Variants in IL1RAPL2 observed in about 807,000 individuals in gnomAD.
IL1RAPL2 encodes interleukin 1 receptor accessory protein like 2.
A neutral mutation model predicts 44.1 loss-of-function variants in IL1RAPL2; 3 were observed. That is an observed-to-expected ratio of 0.07 (90% CI 0.03 to 0.18). The LOEUF (loss-of-function observed/expected upper bound fraction) is 0.18. Among genes scored for constraint, IL1RAPL2 ranks in the 10% least tolerant of loss-of-function variants. The pLI, the probability that IL1RAPL2 is intolerant of heterozygous loss-of-function variation, is 1.00. For missense variants in IL1RAPL2, 391 were observed against 496.4 expected, an observed-to-expected ratio of 0.79 and a Z score of 2.02; for synonymous variants, 181 against 178.8, an observed-to-expected ratio of 1.01 and a Z score of -0.10.
chrX:105,707,411 G>A lies in IL1RAPL2; in HGVS notation c.773-9956G>A, dbSNP rs371565990. On this transcript the variant is annotated intron_variant, in intron 6 of 10. Transcript: ENST00000372582. ...AAAAATTAGTCGAATTGAACTAAGC[G>A]TTTGAGAATCAAACAAGTACTATTG... 8.9e-5 allele frequency among the ~76,000 whole-genome samples: 10 copies of A among 112,303 alleles called. No homozygotes were observed. In the East Asian group the frequency reaches 1.1e-3, roughly 13 times the overall value.
chrX:104,938,316 A>C (rs187033071), intron 2 of IL1RAPL2, among the ~76,000 whole-genome samples: 51 of 111,984 alleles, frequency 4.6e-4, no homozygotes, highest in African/African-American at 1.6e-3. Context: ...TTCTTGTCCA[A>C]TATCAATATG....
intron 2 of IL1RAPL2, among the ~76,000 whole-genome samples, chrX:105,173,466 G>A (rs1408857264): frequency 9.0e-6 from 1 of 111,681 alleles, no homozygotes; most frequent in Non-Finnish European, 1.9e-5. Context: ...GTGGGAGGAA[G>A]GTACACTGAA....
At chrX:105,440,862 G>T (rs1187050026) in intron 5 of IL1RAPL2, among the ~76,000 whole-genome samples, 1 of 111,304 alleles carries the variant, frequency 9.0e-6, no homozygotes. Context: ...TTGTGGTAGT[G>T]AATAAGTCTC....
At chrX:104,836,720 TTTTA>T (rs780758874) in intron 2 of IL1RAPL2, among the ~76,000 whole-genome samples, 27 of 111,556 alleles carry the variant, frequency 2.4e-4, no homozygotes, top group African/African-American at 4.6e-4. Context: ...ATTCTTTATT[TTTTA>T]TTTATTTATT....
intron 2 of IL1RAPL2, among the ~76,000 whole-genome samples, chrX:105,135,522 A>C (rs1387450839): frequency 8.9e-6 from 1 of 111,985 alleles, no homozygotes; most frequent in African/African-American, 3.2e-5. Context: ...ATTGCTAATG[A>C]AATATATTTG....
chrX:104,647,988 CT>C, intron 1 of IL1RAPL2: 1 of 812,655 alleles, frequency 1.2e-6, no homozygotes, highest in Non-Finnish European at 1.8e-6. Context: ...GACACAAACA[CT>C]TTGGCAGCCA....
At chrX:104,885,452 G>T (rs1923207388) in intron 2 of IL1RAPL2, among the ~76,000 whole-genome samples, 1 of 111,781 alleles carries the variant, frequency 8.9e-6, no homozygotes, top group Non-Finnish European at 1.9e-5. Context: ...AGTGGCTATG[G>T]GAGGCCTTAA....
chrX:105,267,979 T>C (rs756330491), intron 5 of IL1RAPL2, among the ~76,000 whole-genome samples: 1 of 111,973 alleles, frequency 8.9e-6, no homozygotes, highest in South Asian at 3.7e-4. Flanking sequence ...AAATTCTCCA[T>C]AAGTGAGTGA....
intron 2 of IL1RAPL2, among the ~76,000 whole-genome samples, chrX:104,830,111 G>A (rs190698413): frequency 1.9e-4 from 21 of 111,614 alleles, no homozygotes; most frequent in African/African-American, 5.5e-4. Context: ...TACATTTACA[G>A]GCTGTTAAAG....
intron 2 of IL1RAPL2, among the ~76,000 whole-genome samples, chrX:104,723,157 C>T (rs1931717325): frequency 9.0e-6 from 1 of 110,791 alleles, no homozygotes; most frequent in Non-Finnish European, 1.9e-5. Flanking sequence ...AATTGGTACC[C>T]ATGATCTATT....
chrX:105,515,282 T>G (rs2036504529), intron 6 of IL1RAPL2, among the ~76,000 whole-genome samples: 1 of 111,890 alleles, frequency 8.9e-6, no homozygotes, highest in Admixed American at 9.5e-5. Context: ...TTTGAGAATC[T>G]AATGGTAACT....
chrX:105,738,802 C>T (rs2038471604), intron 7 of IL1RAPL2, among the ~76,000 whole-genome samples: 1 of 110,889 alleles, frequency 9.0e-6, no homozygotes, highest in African/African-American at 3.3e-5. Flanking sequence ...CTGCAAAGAA[C>T]ATCTGTTCCT....
intron 6 of IL1RAPL2, among the ~76,000 whole-genome samples, chrX:105,659,100 C>T (rs1569462598): frequency 1.8e-5 from 2 of 110,360 alleles, no homozygotes; most frequent in African/African-American, 6.6e-5. Context: ...GTGCTCCAGC[C>T]GGGGCAACAG....
chrX:105,390,731 A>G (rs1049563014), intron 5 of IL1RAPL2, among the ~76,000 whole-genome samples: 30 of 110,787 alleles, frequency 2.7e-4, no homozygotes, highest in Middle Eastern at 4.7e-3. Flanking sequence ...CCATATTTCA[A>G]TCTTTGTAAT....
intron 2 of IL1RAPL2, among the ~76,000 whole-genome samples, chrX:104,807,670 A>G (rs746883761): frequency 9.0e-6 from 1 of 111,413 alleles, no homozygotes; most frequent in African/African-American, 3.3e-5. Context: ...CCAGATCTTT[A>G]CCCATCCATC....
chrX:105,554,088 A>C (rs911775535), intron 6 of IL1RAPL2, among the ~76,000 whole-genome samples: 1 of 111,303 alleles, frequency 9.0e-6, no homozygotes, highest in East Asian at 2.8e-4. Flanking sequence ...GCTGCCCCAC[A>C]CTCCAGGGCC....
intron 6 of IL1RAPL2, among the ~76,000 whole-genome samples, chrX:105,565,854 T>C (rs1439353763): frequency 8.9e-6 from 1 of 111,869 alleles, no homozygotes; most frequent in African/African-American, 3.2e-5. Flanking sequence ...GGAAAGGAAA[T>C]GGGGCAAAGA....
chrX:105,449,252 C>A (rs927768836), intron 5 of IL1RAPL2, among the ~76,000 whole-genome samples: 7 of 111,113 alleles, frequency 6.3e-5, no homozygotes, highest in African/African-American at 2.3e-4. Context: ...GTGGTTTGTG[C>A]AGACTTACAG....
intron 2 of IL1RAPL2, among the ~76,000 whole-genome samples, chrX:104,935,997 C>G (rs765610404): frequency 2.7e-5 from 3 of 112,118 alleles, no homozygotes; most frequent in Admixed American, 9.5e-5. Context: ...ATCTGTTCTT[C>G]TACAGATGAG....
Sources: gnomAD v4.1 joint callset for allele counts (sites outside exome capture counted in the v4.1 genomes callset) on GRCh38, gnomAD v4.1.1 for gene constraint, MANE v1.5 for transcripts, NCBI Gene and HGNC (gene_info 2026-07-23, HGNC 2026-07-21) for gene names.